The following KCNQ1 variants were observed in gnomAD, a reference collection of about 807,000 sequenced individuals.
KCNQ1 encodes the protein potassium voltage-gated channel subfamily Q member 1.
In KCNQ1, 49 loss-of-function variants were observed where a neutral mutation model predicts 72.4. That is an observed-to-expected ratio of 0.68 (90% CI 0.54 to 0.86). KCNQ1 has a LOEUF of 0.86. Ranked by LOEUF, KCNQ1 falls within the 40% of genes least tolerant of loss-of-function variation. The pLI is 0.00. For missense variants in KCNQ1, 790 were observed against 945.1 expected (o/e 0.84, Z 2.15); for synonymous variants, 450 against 412.6 (o/e 1.09, Z -1.10).
intron 15 of KCNQ1, among the ~76,000 whole-genome samples, chr11:2,792,146 G>A (rs749816783): frequency 9.9e-5 from 15 of 152,268 alleles, no homozygotes; most frequent in Admixed American, 2.0e-4. Context: ...CAGGCCCGGC[G>A]TCCCCTCCCG....
intron 15 of KCNQ1, among the ~76,000 whole-genome samples, chr11:2,844,640 G>A (rs924974022): frequency 6.6e-5 from 10 of 152,178 alleles, no homozygotes; most frequent in East Asian, 5.8e-4. Flanking sequence ...AGGACTGAGC[G>A]CTGATTCCAG....
At chr11:2,445,625 C>G in intron 1 of KCNQ1, 141 bp downstream of exon 1, 2 of 1,015,126 alleles carry the variant, frequency 2.0e-6, no homozygotes, top group South Asian at 2.7e-5. Context: ...AACGCAGAAA[C>G]ACAAACTCTG....
rs1845941257 is a variant in KCNQ1 at position 2,735,445 on chromosome 11, G to T, written c.1515-33399G>T. ...GCTTGCTCCTTCCCACCCCTCCTAGGCCAGGGATGCCTGAAGCCACACTCC... is the reference window on the plus strand; with the variant it reads ...GCTTGCTCCTTCCCACCCCTCCTAGTCCAGGGATGCCTGAAGCCACACTCC... On this transcript the variant is annotated intron_variant, in intron 11 of 15. Transcript: ENST00000155840. The surrounding 1 kb of genome is among the most constrained non-coding windows in gnomAD (Gnocchi z 7.7). Among the ~76,000 whole-genome samples, 1 of 151,898 alleles carries T rather than the reference G, an allele frequency of 6.6e-6. No individual in the cohort carries two copies. Among genetic ancestry groups the T allele is most frequent in the Admixed American group, 6.6e-5 (1 of 15,264 alleles).
At position 2,466,154 on chromosome 11, in the gene KCNQ1, G is replaced by C. The variant is rs543798837; in HGVS notation, c.386+20670G>C. 3.3e-5 allele frequency among the ~76,000 whole-genome samples: 5 copies of C among 152,292 alleles called. No homozygotes were observed. The South Asian group carries it at 1.0e-3, about 32-fold the overall frequency. ...TTGCCTAGGGAGTGTCGCTGAGGAA[G>C]CTGGAACAGTGACCTTCGTTGTTGG... On this transcript the variant is annotated intron_variant, in intron 1 of 15. Coordinates refer to ENST00000155840, the MANE Select transcript of KCNQ1 (RefSeq NM_000218.3).
intron 2 of KCNQ1, among the ~76,000 whole-genome samples, chr11:2,561,984 G>T (rs1848174907): frequency 6.6e-6 from 1 of 152,178 alleles, no homozygotes; most frequent in Non-Finnish European, 1.5e-5. Context: ...GCTGCCTCAG[G>T]GTGGCACCCC....
chr11:2,630,749 T>C, intron 10 of KCNQ1: 1 of 398,390 alleles, frequency 2.5e-6, no homozygotes, highest in Non-Finnish European at 4.4e-6. Context: ...CCCTCTGGCA[T>C]ATCTTGTAAG....
chr11:2,770,939 A>G (rs1269384818), intron 12 of KCNQ1, among the ~76,000 whole-genome samples: 2 of 152,246 alleles, frequency 1.3e-5, no homozygotes, highest in Non-Finnish European at 2.9e-5. Flanking sequence ...CCGAGGGCAG[A>G]GGAGACCATG....
At chr11:2,616,148 T>C in intron 10 of KCNQ1, 1 of 398,126 alleles carries the variant, frequency 2.5e-6, no homozygotes, top group Non-Finnish European at 4.4e-6. Context: ...TTATTCATAG[T>C]ATTCTTTTAT....
At position 2,562,154 on chromosome 11, in the gene KCNQ1, G is replaced by A. The variant is rs942478826; in HGVS notation, c.478-8474G>A. On this transcript the variant is annotated intron_variant, in intron 2 of 15. Transcript: ENST00000155840. The surrounding 1 kb of genome is among the most constrained non-coding windows in gnomAD (Gnocchi z 7.5). ...TCACCTGGGCCTGGCCGGCTGCACT[G>A]TGGCGCCTGCCCCAGGCCAGGCTAC... Among the ~76,000 whole-genome samples the A allele has an allele frequency of 6.6e-6, 1 of 151,406 alleles. No homozygotes were observed. Among genetic ancestry groups the A allele is most frequent in the Non-Finnish European group, 1.5e-5 (1 of 67,734 alleles).
rs966983527 is a variant in KCNQ1 at position 2,598,073 on chromosome 11, G to T, written c.1393+9219G>T. Among the ~76,000 whole-genome samples, 3 of 151,858 alleles carry T rather than the reference G, an allele frequency of 2.0e-5. No individual in the cohort carries two copies. Among genetic ancestry groups the T allele is most frequent in the African/African-American group, 7.3e-5 (3 of 41,348 alleles). On this transcript the variant is annotated intron_variant, in intron 10 of 15. Coordinates refer to ENST00000155840, the MANE Select transcript of KCNQ1 (RefSeq NM_000218.3). The surrounding 1 kb of genome is among the most constrained non-coding windows in gnomAD (Gnocchi z 6.2). ...TATTTCATTAATCTAAGCTTTTATAGCTATTAATTCCCTTTTCTTGGCTAA... is the reference window on the plus strand; with the variant it reads ...TATTTCATTAATCTAAGCTTTTATATCTATTAATTCCCTTTTCTTGGCTAA...
chr11:2,474,269 C>T (rs538748196), intron 1 of KCNQ1, among the ~76,000 whole-genome samples: 17 of 152,190 alleles, frequency 1.1e-4, no homozygotes, highest in African/African-American at 2.6e-4. Context: ...ACTCTTGTGG[C>T]GCCCGGGCCA....
chr11:2,637,270 T>C, intron 10 of KCNQ1: 1 of 152,230 alleles, frequency 6.6e-6, no homozygotes. Flanking sequence ...TTAATTGTGA[T>C]GTTAGGGCAT....
chr11:2,738,280 C>T (rs973281583), intron 11 of KCNQ1, among the ~76,000 whole-genome samples: 47 of 151,208 alleles, frequency 3.1e-4, no homozygotes, highest in Admixed American at 2.4e-3. Context: ...GGGGGCACAG[C>T]GGGTTCCTTG....
chr11:2,662,616 A>G (rs1849982865), intron 11 of KCNQ1: 1 of 413,400 alleles, frequency 2.4e-6, no homozygotes, highest in South Asian at 1.0e-4. Context: ...CGGCATGGCC[A>G]GGCCAATCCC....
Position 2,588,939 on chromosome 11 carries a change from T to C in KCNQ1, c.1393+85T>C. 2.0e-6 allele frequency: 3 copies of C among 1,497,204 alleles called. No homozygotes were observed. The highest frequency in any genetic ancestry group is 2.7e-6 in the Non-Finnish European group (3 of 1,095,678). 92.7% of individuals were successfully genotyped at this position (1,497,204 alleles called of 1,614,324 possible). A position where few individuals can be genotyped will look rare whatever the true frequency, so the allele number is the denominator to read the frequency against. On this transcript the variant is annotated intron_variant, in intron 10 of 15. Transcript: ENST00000155840. This position sits in a 1 kb window ranked among gnomAD's most constrained non-coding sequence, Gnocchi z 5.6. ...GAGCCCGAGCAAGCCAGTGAGTTTC[T>C]CCCTTGGGCTGTGGTCTCTGACAAC...
At position 2,624,092 on chromosome 11, in the gene KCNQ1, T is replaced by G. The variant is rs559490373; in HGVS notation, c.1393+35238T>G. The G allele has an allele frequency of 2.5e-6, 1 of 398,612 alleles. No homozygotes were observed. The highest frequency in any genetic ancestry group is 4.4e-6 in the Non-Finnish European group (1 of 226,076). 24.7% of individuals were successfully genotyped at this position (398,612 alleles called of 1,614,324 possible). ...TGGCAAGTATTTGGTATTGTCAGTGTTTTGAATTTTGGCCATTCTAATAAG... is the reference window on the plus strand; with the variant it reads ...TGGCAAGTATTTGGTATTGTCAGTGGTTTGAATTTTGGCCATTCTAATAAG... On this transcript the variant is annotated intron_variant, in intron 10 of 15. Coordinates refer to ENST00000155840, the MANE Select transcript of KCNQ1 (RefSeq NM_000218.3). The surrounding 1 kb of genome is among the most constrained non-coding windows in gnomAD (Gnocchi z 4.9).
At chr11:2,590,420 G>A (rs1848655761) in intron 10 of KCNQ1, among the ~76,000 whole-genome samples, 1 of 152,230 alleles carries the variant, frequency 6.6e-6, no homozygotes. Flanking sequence ...GGTCCCCCTT[G>A]GAGGAAAAGG....
At chr11:2,744,357 A>G (rs576576142) in intron 11 of KCNQ1, among the ~76,000 whole-genome samples, 2 of 152,336 alleles carry the variant, frequency 1.3e-5, no homozygotes, top group Admixed American at 1.3e-4. Context: ...CTTGTGTAGC[A>G]GCTGAGCTCC....
intron 6 of KCNQ1, among the ~76,000 whole-genome samples, chr11:2,576,633 C>A (rs1034600066): frequency 6.6e-6 from 1 of 152,254 alleles, no homozygotes; most frequent in Non-Finnish European, 1.5e-5. Flanking sequence ...GCTGTTCACT[C>A]TCTCCTCACC....
Sources: gnomAD v4.1 joint callset for allele counts (sites outside exome capture counted in the v4.1 genomes callset) on GRCh38, gnomAD v4.1.1 for gene constraint, Gnocchi (gnomAD v3.1) non-coding constraint, MANE v1.5 for transcripts, NCBI Gene and HGNC (gene_info 2026-07-23, HGNC 2026-07-21) for gene names.